Variants in OPHN1 observed in about 807,000 individuals in gnomAD.
The protein encoded by OPHN1 is oligophrenin-1.
OPHN1 carries 11 observed loss-of-function variants against 60.7 expected under a neutral mutation model. The observed-to-expected ratio is 0.18, with a 90% CI of 0.11 to 0.30. The LOEUF (loss-of-function observed/expected upper bound fraction) is 0.30. OPHN1 is among the 10% of genes least tolerant of loss of function. The pLI is 1.00. For synonymous variants in OPHN1, 226 were observed against 222.6 expected, an observed-to-expected ratio of 1.02 and a Z score of -0.14; for missense variants, 449 against 611.0, an observed-to-expected ratio of 0.73 and a Z score of 2.80.
chrX:68,335,526 G>T lies in OPHN1; in HGVS notation c.155-36430C>A, dbSNP rs921875969. ...GGCCTCTGTCAGACTGATATGCTAC[G>T]AAGGTGTGGTCTAACATGAACTACG... On this transcript the variant is annotated intron_variant, in intron 2 of 24. Coordinates refer to ENST00000355520, the MANE Select transcript of OPHN1 (RefSeq NM_002547.3). Among the ~76,000 whole-genome samples, 6 of 112,310 alleles carry T rather than the reference G, an allele frequency of 5.3e-5. No homozygotes were observed. In the Admixed American group the frequency reaches 5.7e-4, roughly 11 times the overall value.
intron 15 of OPHN1, among the ~76,000 whole-genome samples, chrX:68,183,121 C>T (rs911456538): frequency 1.8e-5 from 2 of 111,693 alleles, no homozygotes; most frequent in Non-Finnish European, 3.8e-5. Flanking sequence ...ATAGGATTGT[C>T]AATCAAGATT....
intron 18 of OPHN1, among the ~76,000 whole-genome samples, chrX:68,107,599 C>G (rs1366333557): frequency 9.0e-6 from 1 of 111,381 alleles, no homozygotes; most frequent in Non-Finnish European, 1.9e-5. Flanking sequence ...ACCTCAGCCT[C>G]CAGAGTAGTT....
At chrX:68,059,863 G>A (rs1013530451) in intron 21 of OPHN1, among the ~76,000 whole-genome samples, 11 of 111,484 alleles carry the variant, frequency 9.9e-5, no homozygotes, top group African/African-American at 2.9e-4. Context: ...CAGGTAGAAT[G>A]AAGGTCTCCT....
At position 68,212,216 on chromosome X, in the gene OPHN1, G is replaced by A; in HGVS notation, c.598-4C>T. The A allele has an allele frequency of 2.7e-6, 3 of 1,120,380 alleles. No individual in the cohort carries two copies. The highest frequency in any genetic ancestry group is 1.8e-5 in the African/African-American group (1 of 56,053). The allele number at this position is 1,120,380 out of a possible 1,213,427, so 92.3% of individuals were successfully genotyped here. ...GACTATGAAGAAAGGCCAAGACCTA[G>A]GGAAAACATGTAAAAATAACTTTAT... On this transcript the variant is annotated splice_polypyrimidine_tract_variant and splice_region_variant and intron_variant, in intron 7 of 24. Coordinates refer to ENST00000355520, the MANE Select transcript of OPHN1 (RefSeq NM_002547.3).
chrX:68,229,959 T>C (rs1377183594), intron 6 of OPHN1, among the ~76,000 whole-genome samples: 1 of 111,581 alleles, frequency 9.0e-6, no homozygotes, highest in South Asian at 3.7e-4. Flanking sequence ...AAGAAACTAC[T>C]GTCAGAGTGC....
intron 2 of OPHN1, among the ~76,000 whole-genome samples, chrX:68,371,276 G>A (rs12836154): frequency 0.12 from 13,212 of 106,410 alleles, 1,908 homozygotes; most frequent in African/African-American, 0.41. Flanking sequence ...GGAGTGCAGT[G>A]GCGTTATGAC....
At chrX:68,221,054 T>G (rs962882738) in intron 6 of OPHN1, among the ~76,000 whole-genome samples, 2 of 103,521 alleles carry the variant, frequency 1.9e-5, no homozygotes, top group African/African-American at 6.9e-5. Flanking sequence ...GCCCAAAATC[T>G]CCTTAAGCTG....
At chrX:68,147,383 C>A (rs940488462) in intron 15 of OPHN1, among the ~76,000 whole-genome samples, 3 of 111,996 alleles carry the variant, frequency 2.7e-5, no homozygotes, top group African/African-American at 9.7e-5. Flanking sequence ...GAACACAGTT[C>A]TTGATTTCTA....
At position 68,317,573 on chromosome X, in the gene OPHN1, A is replaced by G. The variant is rs866892434; in HGVS notation, c.155-18477T>C. ...AAAGAAAGAAAGAAAGAAAGAAAGA[A>G]AGAGAAAGAAAGAAAGAGAGAGAAA... On this transcript the variant is annotated intron_variant, in intron 2 of 24. Coordinates refer to ENST00000355520, the MANE Select transcript of OPHN1 (RefSeq NM_002547.3). 9.8e-3 allele frequency among the ~76,000 whole-genome samples: 805 copies of G among 81,854 alleles called. 32 individuals carry two copies. The highest frequency in any genetic ancestry group is 0.05 in the African/African-American group (775 of 15,471). 71.1% of individuals were successfully genotyped at this position (81,854 alleles called of 115,157 possible). A position where few individuals can be genotyped will look rare whatever the true frequency, so the allele number is the denominator to read the frequency against.
At position 68,046,367 on chromosome X, in the gene OPHN1, A is replaced by G. The variant is rs1451480690; in HGVS notation, c.*805T>C. On this transcript the variant is annotated 3_prime_UTR_variant, in exon 25 of 25. Transcript: ENST00000355520. ...GACCAAACACAGTCTCCTTTTTTTAAAAAGAAATGTGTTCAGCTTTTGTTT... is the reference window on the plus strand; with the variant it reads ...GACCAAACACAGTCTCCTTTTTTTAGAAAGAAATGTGTTCAGCTTTTGTTT... The G allele has an allele frequency of 2.7e-5, 3 of 112,604 alleles. No homozygotes were observed. The highest frequency in any genetic ancestry group is 1.9e-5 in the Non-Finnish European group (1 of 53,285). 9.3% of individuals were successfully genotyped at this position (112,604 alleles called of 1,213,427 possible).
intron 2 of OPHN1, among the ~76,000 whole-genome samples, chrX:68,384,703 C>A (rs1396133126): frequency 1.9e-5 from 2 of 103,058 alleles, no homozygotes; most frequent in Admixed American, 1.1e-4. Flanking sequence ...GCCTGGGCGA[C>A]AGAGGGAGAC....
At chrX:68,266,021 G>T (rs1390556854) in intron 5 of OPHN1, among the ~76,000 whole-genome samples, 1 of 111,660 alleles carries the variant, frequency 9.0e-6, no homozygotes, top group Non-Finnish European at 1.9e-5. Context: ...AGAAATATGG[G>T]ACTATGTGAA....
chrX:68,050,598 T>C (rs1476378021), intron 23 of OPHN1, among the ~76,000 whole-genome samples: 1 of 112,049 alleles, frequency 8.9e-6, no homozygotes, highest in East Asian at 2.8e-4. Context: ...CATATTTCCT[T>C]CTCAATGCCT....
At chrX:68,205,979 A>AGTGTGTGTGTGTGTGTGTGAGTGT (rs2077557330) in intron 10 of OPHN1, among the ~76,000 whole-genome samples, 1 of 91,221 alleles carries the variant, frequency 1.1e-5, no homozygotes, top group Non-Finnish European at 2.1e-5. Context: ...AGTGTGTGTG[A>AGTGTGTGTGTGTGTGTGTGAGTGT]GTGTGTGTGT....
At chrX:68,219,275 T>A (rs1303177165) in intron 6 of OPHN1, among the ~76,000 whole-genome samples, 1 of 79,610 alleles carries the variant, frequency 1.3e-5, no homozygotes, top group African/African-American at 4.9e-5. Context: ...CCAAGATTCA[T>A]AAAGCAAGTC....
At chrX:68,233,841 C>A (rs1457307430) in intron 6 of OPHN1, among the ~76,000 whole-genome samples, 1 of 111,230 alleles carries the variant, frequency 9.0e-6, no homozygotes, top group East Asian at 2.8e-4. Context: ...AACAAAAGCA[C>A]CATATACACA....
At chrX:68,132,443 G>T (rs1465541790) in intron 15 of OPHN1, among the ~76,000 whole-genome samples, 1 of 105,815 alleles carries the variant, frequency 9.5e-6, no homozygotes, top group Non-Finnish European at 1.9e-5. Context: ...GTAAACTATC[G>T]CAAGAACAAC....
Position 68,217,655 on chromosome X carries a change from C to A in OPHN1, c.487-3683G>T, listed in dbSNP as rs775849916. Among the ~76,000 whole-genome samples, 6 of 110,864 alleles carry A rather than the reference C, an allele frequency of 5.4e-5. No homozygotes were observed. In the South Asian group the frequency reaches 2.4e-3, roughly 44 times the overall value. On this transcript the variant is annotated intron_variant, in intron 6 of 24. Transcript: ENST00000355520. ...CAAGCAGCCTAACTGGGAGGCACCC[C>A]CCAGCAGGGACATACTGACACCTCA...
At chrX:68,406,974 C>T (rs1286953922) in intron 2 of OPHN1, among the ~76,000 whole-genome samples, 1 of 112,033 alleles carries the variant, frequency 8.9e-6, no homozygotes, top group Non-Finnish European at 1.9e-5. Context: ...GAGGACAAGG[C>T]GAGTGAATCA....
Sources: gnomAD v4.1 joint callset for allele counts (sites outside exome capture counted in the v4.1 genomes callset) on GRCh38, gnomAD v4.1.1 for gene constraint, MANE v1.5 for transcripts, NCBI Gene and HGNC (gene_info 2026-07-23, HGNC 2026-07-21) for gene names.